TMEM117: variants seen among roughly 807,000 people sequenced by gnomAD.
The protein encoded by TMEM117 is transmembrane protein 117.
Under a neutral mutation model 52.4 loss-of-function variants are expected in TMEM117, and 27 were observed. The observed-to-expected ratio is 0.51, with a 90% CI of 0.38 to 0.71. The LOEUF (loss-of-function observed/expected upper bound fraction) is 0.71. Ranked by LOEUF, TMEM117 falls within the 30% of genes least tolerant of loss-of-function variation. TMEM117 has a pLI of 0.00. For missense variants in TMEM117, 556 were observed against 630.5 expected, an observed-to-expected ratio of 0.88 and a Z score of 1.26; for synonymous variants, 215 against 206.3, an observed-to-expected ratio of 1.04 and a Z score of -0.36.
intron 3 of TMEM117, among the ~76,000 whole-genome samples, chr12:44,011,465 C>T (rs1946289050): frequency 6.6e-6 from 1 of 152,074 alleles, no homozygotes; most frequent in Admixed American, 6.6e-5. Flanking sequence ...GAGGAGGTCT[C>T]CTGCACAAGC....
the TMEM117 span, among the ~76,000 whole-genome samples, chr12:43,801,050 C>T: frequency 6.6e-6 from 1 of 152,042 alleles, no homozygotes; most frequent in Non-Finnish European, 1.5e-5. Flanking sequence ...CCGTGCCTGG[C>T]CACATTTTAA....
chr12:43,797,651 A>G, the TMEM117 span: 1 of 1,575,878 alleles, frequency 6.3e-7, no homozygotes, highest in African/African-American at 1.4e-5. Context: ...TAAACCCTAT[A>G]TGAGTCATAA....
chr12:44,001,030 G>A (rs1946108704), intron 3 of TMEM117, among the ~76,000 whole-genome samples: 1 of 152,190 alleles, frequency 6.6e-6, no homozygotes, highest in South Asian at 2.1e-4. Context: ...TAGTTCATGA[G>A]TTCCTGCTCA....
chr12:44,224,547 C>T (rs1949835413), intron 5 of TMEM117, among the ~76,000 whole-genome samples: 1 of 151,730 alleles, frequency 6.6e-6, no homozygotes, highest in African/African-American at 2.4e-5. Context: ...TCTCTTCCTC[C>T]TCCTCCTCCT....
chr12:44,117,684 C>T (rs10506235), intron 3 of TMEM117, among the ~76,000 whole-genome samples: 15,671 of 152,048 alleles, frequency 0.1, 909 homozygotes, highest in Middle Eastern at 0.2. Flanking sequence ...AACAACCTAC[C>T]ACTTACTTTA....
intron 4 of TMEM117, among the ~76,000 whole-genome samples, chr12:44,161,309 A>G (rs1948895280): frequency 6.6e-6 from 1 of 152,156 alleles, no homozygotes; most frequent in African/African-American, 2.4e-5. Context: ...TTGAATTTGC[A>G]TACAGTTGGG....
At chr12:44,075,615 T>A (rs1947370068) in intron 3 of TMEM117, among the ~76,000 whole-genome samples, 2 of 152,182 alleles carry the variant, frequency 1.3e-5, no homozygotes, top group South Asian at 4.1e-4. Context: ...TAGGAAAGGA[T>A]ATGCCAGTGG....
chr12:44,152,463 T>TA (rs1491108851), intron 4 of TMEM117, among the ~76,000 whole-genome samples: 2,854 of 114,820 alleles, frequency 0.025, 69 homozygotes, highest in Admixed American at 0.033. Flanking sequence ...AATTTTTATA[T>TA]CTATAATTAT....
intron 7 of TMEM117, 103 bp downstream of exon 7, chr12:44,376,827 CA>C: frequency 8.0e-7 from 1 of 1,249,646 alleles, no homozygotes; most frequent in Non-Finnish European, 1.1e-6. Flanking sequence ...GGCATAAATA[CA>C]ATGTTATTTC....
chr12:44,341,777 GCAGT>G (rs1951421025), intron 6 of TMEM117, among the ~76,000 whole-genome samples: 2 of 152,160 alleles, frequency 1.3e-5, no homozygotes, highest in Non-Finnish European at 2.9e-5. Flanking sequence ...AGAAACTATA[GCAGT>G]GTTCATGGAT....
chr12:43,798,354 A>G, the TMEM117 span, among the ~76,000 whole-genome samples: 43 of 152,116 alleles, frequency 2.8e-4, no homozygotes, highest in Non-Finnish European at 5.1e-4. Context: ...CATGGTGTGC[A>G]TGTACTGGAA....
chr12:43,894,237 C>A (rs75478629), intron 2 of TMEM117, among the ~76,000 whole-genome samples: 2,204 of 152,308 alleles, frequency 0.014, 26 homozygotes, highest in East Asian at 0.05. Flanking sequence ...CCCTTACTCA[C>A]ATTTCCATTT....
intron 3 of TMEM117, among the ~76,000 whole-genome samples, chr12:43,966,231 TTATC>T (rs1945483282): frequency 6.6e-6 from 1 of 152,186 alleles, no homozygotes; most frequent in South Asian, 2.1e-4. Flanking sequence ...TGTTTTCTCT[TTATC>T]TAAACCTTTT....
chr12:44,114,178 C>G (rs1473283271), intron 3 of TMEM117, among the ~76,000 whole-genome samples: 2 of 152,158 alleles, frequency 1.3e-5, no homozygotes, highest in East Asian at 1.9e-4. Flanking sequence ...CTGCGTCGCT[C>G]ACGCTGGGAG....
At chr12:44,036,292 C>A (rs1218800770) in intron 3 of TMEM117, among the ~76,000 whole-genome samples, 1 of 152,200 alleles carries the variant, frequency 6.6e-6, no homozygotes. Context: ...GAACAGTTTT[C>A]TACCTACCAC....
rs556743518 is a variant in TMEM117 at position 44,057,911 on chromosome 12, T to C, written c.411-85614T>C. Among the ~76,000 whole-genome samples the C allele has an allele frequency of 1.2e-4, 19 of 152,322 alleles. No individual in the cohort carries two copies. The East Asian group carries it at 3.5e-3, about 28-fold the overall frequency. On this transcript the variant is annotated intron_variant, in intron 3 of 7. Transcript: ENST00000266534. ...GTGTTTATGTGTAAAGCACTGGTGA[T>C]TATATCCAGTTACCTAATACCCGTA...
chr12:44,003,859 T>C (rs1946153132), intron 3 of TMEM117, among the ~76,000 whole-genome samples: 1 of 152,150 alleles, frequency 6.6e-6, no homozygotes, highest in East Asian at 1.9e-4. Context: ...GGCAAGGAAA[T>C]GACATGAGTA....
chr12:43,842,792 CAG>C (rs918751974), intron 1 of TMEM117, among the ~76,000 whole-genome samples: 4 of 152,114 alleles, frequency 2.6e-5, no homozygotes, highest in African/African-American at 4.8e-5. Context: ...AGATATATTA[CAG>C]AGTTATTATA....
chr12:44,331,420 C>A (rs1337320729), intron 6 of TMEM117, among the ~76,000 whole-genome samples: 1 of 151,920 alleles, frequency 6.6e-6, no homozygotes, highest in Non-Finnish European at 1.5e-5. Context: ...GAGTTGTCTT[C>A]AGGGCCCAAC....
Sources: allele counts gnomAD v4.1 joint callset (sites outside exome capture counted in the v4.1 genomes callset), GRCh38; gene constraint gnomAD v4.1.1; transcripts MANE v1.5; gene names NCBI Gene and HGNC (gene_info 2026-07-23, HGNC 2026-07-21).